The following RPS6KC1 variants were observed in gnomAD, a reference collection of about 807,000 sequenced individuals.
The protein encoded by RPS6KC1 is ribosomal protein S6 kinase C1.
RPS6KC1 carries 54 observed loss-of-function variants against 103.8 expected under a neutral mutation model. The ratio of observed to expected loss-of-function variants is 0.52; its 90% confidence interval spans 0.42 to 0.65. The LOEUF is 0.65. RPS6KC1 is among the 30% of genes least tolerant of loss of function. RPS6KC1 has a pLI of 0.00. For synonymous variants in RPS6KC1, 439 were observed against 438.7 expected, an observed-to-expected ratio of 1.00 and a Z score of -0.01; for missense variants, 1,151 against 1,253.8, an observed-to-expected ratio of 0.92 and a Z score of 1.24.
the RPS6KC1 span, among the ~76,000 whole-genome samples, chr1:213,640,470 G>A: frequency 6.7e-6 from 1 of 149,044 alleles, no homozygotes; most frequent in Non-Finnish European, 1.5e-5. Context: ...TTTTTTGCTA[G>A]TTTCCTCAAG....
the RPS6KC1 span, among the ~76,000 whole-genome samples, chr1:213,520,057 C>T: frequency 2.6e-5 from 4 of 152,146 alleles, no homozygotes; most frequent in East Asian, 7.7e-4. Context: ...GAGATCCAAA[C>T]CAATGGTGGT....
At chr1:213,453,709 A>G in the RPS6KC1 span, among the ~76,000 whole-genome samples, 9 of 152,204 alleles carry the variant, frequency 5.9e-5, no homozygotes, top group African/African-American at 1.4e-4. Flanking sequence ...GTCGCTGAAC[A>G]AGTCAGTGCC....
the RPS6KC1 span, among the ~76,000 whole-genome samples, chr1:213,729,791 G>A: frequency 2.6e-5 from 4 of 151,634 alleles, no homozygotes; most frequent in Non-Finnish European, 5.9e-5. Context: ...TTAACTTTAA[G>A]CTTGAGGGCA....
At chr1:213,492,761 C>G in the RPS6KC1 span, among the ~76,000 whole-genome samples, 1 of 152,188 alleles carries the variant, frequency 6.6e-6, no homozygotes, top group Non-Finnish European at 1.5e-5. Flanking sequence ...TGGCTGTGAA[C>G]AATTCTGTCC....
intron 4 of RPS6KC1, among the ~76,000 whole-genome samples, chr1:213,113,230 T>G (rs2083213450): frequency 6.6e-6 from 1 of 151,520 alleles, no homozygotes; most frequent in Non-Finnish European, 1.5e-5. Context: ...ACCTGTTGTT[T>G]CCTGACTTTT....
chr1:213,219,500 C>T (rs1426853290), intron 8 of RPS6KC1, among the ~76,000 whole-genome samples: 1 of 152,202 alleles, frequency 6.6e-6, no homozygotes, highest in African/African-American at 2.4e-5. Flanking sequence ...CCAGCCATTC[C>T]ATTACCGGGT....
chr1:213,815,084 C>G, the RPS6KC1 span, among the ~76,000 whole-genome samples: 1 of 152,114 alleles, frequency 6.6e-6, no homozygotes, highest in Non-Finnish European at 1.5e-5. Flanking sequence ...GGCAGTGACC[C>G]CCATGCTGTT....
intron 1 of RPS6KC1, among the ~76,000 whole-genome samples, chr1:213,057,504 C>A (rs1246849014): frequency 2.6e-5 from 4 of 152,034 alleles, no homozygotes; most frequent in Non-Finnish European, 4.4e-5. Flanking sequence ...CTCCTTATAC[C>A]CTGGCAAGCA....
chr1:213,739,398 A>G, the RPS6KC1 span, among the ~76,000 whole-genome samples: 1 of 152,192 alleles, frequency 6.6e-6, no homozygotes, highest in Non-Finnish European at 1.5e-5. Context: ...GGGAGAGTCA[A>G]AATTTATACA....
At chr1:213,415,404 C>T in the RPS6KC1 span, among the ~76,000 whole-genome samples, 1 of 152,218 alleles carries the variant, frequency 6.6e-6, no homozygotes, top group Non-Finnish European at 1.5e-5. Context: ...TTTCCTACAG[C>T]TCCTCATTCT....
At chr1:213,284,720 A>G in the RPS6KC1 span, among the ~76,000 whole-genome samples, 12 of 152,128 alleles carry the variant, frequency 7.9e-5, no homozygotes, top group Non-Finnish European at 1.8e-4. Flanking sequence ...AATTCAAGAA[A>G]ACTTCTGAAA....
chr1:213,091,741 T>C (rs2080984094), intron 3 of RPS6KC1, among the ~76,000 whole-genome samples: 1 of 152,226 alleles, frequency 6.6e-6, no homozygotes, highest in South Asian at 2.1e-4. Flanking sequence ...TTGAATTTTA[T>C]CACTGATAAC....
chr1:213,469,077 C>A, the RPS6KC1 span, among the ~76,000 whole-genome samples: 2 of 152,142 alleles, frequency 1.3e-5, no homozygotes, highest in African/African-American at 2.4e-5. Flanking sequence ...CCCTTTAATG[C>A]CAGTTTGTTT....
At chr1:213,131,363 T>G (rs2085589694) in intron 6 of RPS6KC1, among the ~76,000 whole-genome samples, 1 of 152,216 alleles carries the variant, frequency 6.6e-6, no homozygotes, top group South Asian at 2.1e-4. Context: ...AATTGATACC[T>G]AATTTTGAAG....
chr1:213,649,170 G>T, the RPS6KC1 span, among the ~76,000 whole-genome samples: 1 of 151,550 alleles, frequency 6.6e-6, no homozygotes, highest in Non-Finnish European at 1.5e-5. Flanking sequence ...TGGCTCTGCT[G>T]GATGGTTCTT....
intron 8 of RPS6KC1, among the ~76,000 whole-genome samples, chr1:213,217,337 C>A (rs1474542273): frequency 2.0e-5 from 3 of 152,132 alleles, no homozygotes; most frequent in African/African-American, 7.2e-5. Context: ...AGTTGAAACT[C>A]TGAATAGACC....
At chr1:213,383,239 A>G in the RPS6KC1 span, among the ~76,000 whole-genome samples, 1 of 152,232 alleles carries the variant, frequency 6.6e-6, no homozygotes, top group African/African-American at 2.4e-5. Flanking sequence ...TGGAATGTGA[A>G]AGGATATTTT....
At chr1:213,380,863 G>T in the RPS6KC1 span, among the ~76,000 whole-genome samples, 10 of 152,066 alleles carry the variant, frequency 6.6e-5, no homozygotes, top group Admixed American at 6.6e-4. Context: ...ATGTCTCAGG[G>T]CTCCTGTTCT....
At chr1:213,591,942 C>T in the RPS6KC1 span, among the ~76,000 whole-genome samples, 2 of 152,174 alleles carry the variant, frequency 1.3e-5, no homozygotes, top group Admixed American at 6.5e-5. Flanking sequence ...AGGAAGGGAG[C>T]ATGACCTTGG....
Sources: gnomAD v4.1 joint callset for allele counts (sites outside exome capture counted in the v4.1 genomes callset) on GRCh38, gnomAD v4.1.1 for gene constraint, MANE v1.5 for transcripts, NCBI Gene and HGNC (gene_info 2026-07-23, HGNC 2026-07-21) for gene names.